BTD: variants seen among roughly 807,000 people sequenced by gnomAD.
BTD encodes the protein biocytinase.
Under a neutral mutation model 17.7 loss-of-function variants are expected in BTD, and 13 were observed. The ratio of observed to expected loss-of-function variants is 0.74; its 90% confidence interval spans 0.48 to 1.17. The LOEUF is 1.17. Among genes scored for constraint, BTD ranks in the 50% most tolerant of loss-of-function variants. The pLI is 0.00. For missense variants in BTD, 674 were observed against 650.4 expected (o/e 1.04, Z -0.39); for synonymous variants, 240 against 245.2 (o/e 0.98, Z 0.20).
At chr3:15,606,759 A>G (rs1019890684) in intron 1 of BTD, 1 of 152,234 alleles carries the variant, frequency 6.6e-6, no homozygotes, top group Admixed American at 6.5e-5. Context: ...AGCAGAAAGA[A>G]ATGATTTGAG....
At chr3:15,714,598 G>A (rs767975714), downstream of BTD, 2 of 1,587,784 alleles carry the variant, frequency 1.3e-6, no homozygotes, top group Non-Finnish European at 1.7e-6. Context: ...AATGGTTTGT[G>A]ATCGGGAGAA....
chr3:15,699,166 G>A (rs564529937), intron 3 of BTD, among the ~76,000 whole-genome samples: 2 of 152,284 alleles, frequency 1.3e-5, no homozygotes, highest in African/African-American at 4.8e-5. Context: ...AATAAATGGT[G>A]CTGGGAAAAC....
chr3:15,689,952 A>G (rs2068595174), intron 3 of BTD: 1 of 1,361,190 alleles, frequency 7.3e-7, no homozygotes, highest in South Asian at 1.5e-5. Context: ...GAAATATTAT[A>G]TATCAGAAAT....
intron 3 of BTD, chr3:15,678,076 T>C: frequency 1.1e-6 from 1 of 885,014 alleles, no homozygotes; most frequent in Non-Finnish European, 1.6e-6. Flanking sequence ...AAAATGTGGA[T>C]TGCAAACAGG....
At chr3:15,671,871 A>G (rs1176777659) in intron 3 of BTD, among the ~76,000 whole-genome samples, 1 of 151,992 alleles carries the variant, frequency 6.6e-6, no homozygotes, top group African/African-American at 2.4e-5. Context: ...GATGTGAACC[A>G]CCTTACCCAG....
rs75477137 is a variant in BTD, at chr3:15,697,011, G to A, written c.400-13049G>A. On this transcript the variant is annotated intron_variant, in intron 3 of 3. Transcript: ENST00000672141. ...ATGCATGTTTATAGCAGTACAATTC[G>A]CAATTGCAAAAATATGAAACAAGTC... Among the ~76,000 whole-genome samples, 796 of 152,190 alleles carry A rather than the reference G, an allele frequency of 5.2e-3. 61 individuals carry two copies. In the East Asian group the frequency reaches 0.14, roughly 26 times the overall value.
chr3:15,675,962 C>A, intron 3 of BTD: 1 of 1,612,928 alleles, frequency 6.2e-7, no homozygotes, highest in Non-Finnish European at 8.5e-7. Flanking sequence ...CCATTGTTAG[C>A]CCATTTCGGG....
intron 3 of BTD, among the ~76,000 whole-genome samples, chr3:15,695,831 G>A (rs927311557): frequency 3.3e-5 from 5 of 152,094 alleles, no homozygotes; most frequent in African/African-American, 1.2e-4. Context: ...AAAAGACACA[G>A]TTATAGTTTT....
Position 15,648,331 on chromosome 3 carries a change from G to C in BTD, c.*2843G>C, listed in dbSNP as rs2065741012. Among the ~76,000 whole-genome samples, 1 of 152,230 alleles carries C rather than the reference G, an allele frequency of 6.6e-6. No homozygotes were observed. Among genetic ancestry groups the C allele is most frequent in the African/African-American group, 2.4e-5 (1 of 41,460 alleles). On this transcript the variant is annotated 3_prime_UTR_variant, in exon 4 of 4. Coordinates refer to ENST00000643237, the MANE Select transcript of BTD (RefSeq NM_001370658.1). Reference sequence around the variant, plus strand: ...AAGGCCTAGATTTGAGACAAGAGCTGATGTGGCCTGAAGATCTGTGAGTGG... The same window carrying C: ...AAGGCCTAGATTTGAGACAAGAGCTCATGTGGCCTGAAGATCTGTGAGTGG...
exon 4 of BTD, among the ~76,000 whole-genome samples, chr3:15,710,276 GAT>G (rs376987073): frequency 1.1e-3 from 172 of 152,258 alleles, no homozygotes; most frequent in African/African-American, 4.1e-3. Context: ...TGGAGGAAAG[GAT>G]ATAACTTAAG....
At chr3:15,699,511 T>C (rs960012574) in intron 3 of BTD, among the ~76,000 whole-genome samples, 42 of 152,038 alleles carry the variant, frequency 2.8e-4, no homozygotes, top group Admixed American at 2.0e-4. Flanking sequence ...AGGGCTAATA[T>C]CCAGAATCTA....
chr3:15,722,038 C>T (rs1042707819), exon 5 of BTD, among the ~76,000 whole-genome samples: 1 of 152,152 alleles, frequency 6.6e-6, no homozygotes, highest in Non-Finnish European at 1.5e-5. Context: ...AGACCCTGTG[C>T]CCAGCCTTGT....
Position 15,635,408 on chromosome 3 carries a change from C to T in BTD, c.-16-16C>T. On this transcript the variant is annotated splice_polypyrimidine_tract_variant and intron_variant, in intron 1 of 3. Coordinates refer to ENST00000643237, the MANE Select transcript of BTD (RefSeq NM_001370658.1). The surrounding 1 kb of genome is among the most constrained non-coding windows in gnomAD (Gnocchi z 4.1). ...TCTTTATTCAGCTGTTTTCCCCTTGCCCCATTACATTCCAGATTTGTGGTC... is the reference window on the plus strand; with the variant it reads ...TCTTTATTCAGCTGTTTTCCCCTTGTCCCATTACATTCCAGATTTGTGGTC... 3 of 1,614,190 alleles carry T rather than the reference C, an allele frequency of 1.9e-6. No homozygotes were observed. Among genetic ancestry groups the T allele is most frequent in the Non-Finnish European group, 2.5e-6 (3 of 1,180,032 alleles).
At chr3:15,655,254 A>T (rs920736757), downstream of BTD, among the ~76,000 whole-genome samples, 3 of 152,220 alleles carry the variant, frequency 2.0e-5, no homozygotes, top group Non-Finnish European at 4.4e-5. Flanking sequence ...GGGTTGAAGC[A>T]TGCTGGGAGT....
At chr3:15,707,799 C>A in intron 3 of BTD, 1 of 1,184,116 alleles carries the variant, frequency 8.4e-7, no homozygotes, top group South Asian at 1.6e-5. Flanking sequence ...CCAAAATAGA[C>A]TTAGGGCAAA....
chr3:15,619,749 C>T (rs2064895545), intron 1 of BTD, among the ~76,000 whole-genome samples: 1 of 152,148 alleles, frequency 6.6e-6, no homozygotes, highest in Non-Finnish European at 1.5e-5. Context: ...AATATTTCAA[C>T]GTAAGTTCTA....
At chr3:15,613,224 C>A (rs2064687302) in intron 1 of BTD, among the ~76,000 whole-genome samples, 1 of 152,178 alleles carries the variant, frequency 6.6e-6, no homozygotes, top group African/African-American at 2.4e-5. Flanking sequence ...GGTGTGTCCA[C>A]CACACATTAT....
intron 3 of BTD, among the ~76,000 whole-genome samples, chr3:15,674,207 A>AGAG (rs1180137206): frequency 6.7e-6 from 1 of 148,800 alleles, no homozygotes; most frequent in African/African-American, 2.5e-5. Context: ...AAGAAGAAGA[A>AGAG]CCGAAATTCA....
intron 3 of BTD, among the ~76,000 whole-genome samples, chr3:15,687,331 T>A (rs1258001818): frequency 6.6e-6 from 1 of 151,002 alleles, no homozygotes; most frequent in African/African-American, 2.5e-5. Flanking sequence ...TAATTTCAAA[T>A]GATATATATA....
Sources: allele counts gnomAD v4.1 joint callset (sites outside exome capture counted in the v4.1 genomes callset), GRCh38; gene constraint gnomAD v4.1.1; non-coding constraint Gnocchi (gnomAD v3.1); transcripts MANE v1.5; gene names NCBI Gene and HGNC (gene_info 2026-07-23, HGNC 2026-07-21).